CRADD: variants seen among roughly 807,000 people sequenced by gnomAD.
CRADD encodes the protein CARD and death domain containing adaptor protein.
Under a neutral mutation model 15.5 loss-of-function variants are expected in CRADD, and 9 were observed. That is an observed-to-expected ratio of 0.58 (90% CI 0.35 to 1.01). The LOEUF is 1.01. Among genes scored for constraint, CRADD ranks in the 50% least tolerant of loss-of-function variants. CRADD has a pLI of 0.02. For missense variants in CRADD, 227 were observed against 250.3 expected (o/e 0.91, Z 0.63); for synonymous variants, 118 against 107.6 (o/e 1.10, Z -0.60).
chr12:93,719,943 T>C (rs1051572035), intron 2 of CRADD, among the ~76,000 whole-genome samples: 4 of 152,104 alleles, frequency 2.6e-5, no homozygotes, highest in Non-Finnish European at 5.9e-5. Flanking sequence ...TAATTTCTGC[T>C]CTAATTTTTA....
intron 2 of CRADD, among the ~76,000 whole-genome samples, chr12:93,846,071 G>A (rs760222296): frequency 3.3e-5 from 5 of 151,954 alleles, no homozygotes; most frequent in Non-Finnish European, 5.9e-5. Context: ...TTTACTTAGT[G>A]TAATGTCCTC....
intron 2 of CRADD, among the ~76,000 whole-genome samples, chr12:93,760,033 C>T (rs1026456456): frequency 5.9e-5 from 9 of 152,266 alleles, no homozygotes; most frequent in Non-Finnish European, 8.8e-5. Context: ...TTAACCCAGC[C>T]CGCAGAGACA....
At chr12:93,819,384 G>A (rs1280149745) in intron 2 of CRADD, among the ~76,000 whole-genome samples, 1 of 152,206 alleles carries the variant, frequency 6.6e-6, no homozygotes, top group Non-Finnish European at 1.5e-5. Flanking sequence ...GGAAGAGTGA[G>A]AACTAAAAGT....
chr12:93,816,771 A>G (rs1957704452), intron 2 of CRADD, among the ~76,000 whole-genome samples: 1 of 152,192 alleles, frequency 6.6e-6, no homozygotes, highest in African/African-American at 2.4e-5. Context: ...CTGTAGAATG[A>G]CAATGGATGG....
At chr12:93,839,747 T>C (rs1242376277) in intron 2 of CRADD, among the ~76,000 whole-genome samples, 1 of 152,240 alleles carries the variant, frequency 6.6e-6, no homozygotes, top group African/African-American at 2.4e-5. Context: ...CATACCTTTG[T>C]TCTGTTTCCT....
intron 2 of CRADD, chr12:93,733,595 C>T (rs1484907049): frequency 2.0e-5 from 3 of 152,440 alleles, no homozygotes; most frequent in Admixed American, 1.3e-4. Flanking sequence ...GAAGGCCTGG[C>T]TGCTTGGCAA....
At chr12:93,858,600 G>A (rs1032217929) in intron 2 of CRADD, among the ~76,000 whole-genome samples, 1 of 152,162 alleles carries the variant, frequency 6.6e-6, no homozygotes, top group Admixed American at 6.5e-5. Flanking sequence ...GTCTCTCTCT[G>A]ACCTTCTGCT....
intron 2 of CRADD, chr12:93,837,693 G>A (rs959921474): frequency 6.6e-6 from 1 of 152,160 alleles, no homozygotes; most frequent in African/African-American, 2.4e-5. Context: ...TTGATTTAAT[G>A]AGAAGTCAAA....
chr12:93,719,739 A>G lies in CRADD; in HGVS notation c.298+40667A>G, dbSNP rs530028100. On this transcript the variant is annotated intron_variant, in intron 2 of 2. Transcript: ENST00000332896. ...CAAATTTGTGGGCATAAAGTTGTTT[A>G]TAAAACTTCTTTATCCTTTTAATGT... Among the ~76,000 whole-genome samples the G allele has an allele frequency of 7.2e-5, 11 of 152,226 alleles. No homozygotes were observed. The South Asian group carries it at 2.1e-3, about 29-fold the overall frequency.
At chr12:93,691,339 C>T (rs144021765) in intron 2 of CRADD, among the ~76,000 whole-genome samples, 4,064 of 151,806 alleles carry the variant, frequency 0.027, 63 homozygotes, top group Non-Finnish European at 0.041. Flanking sequence ...CTGCAACCTC[C>T]GCCTCCCGGG....
chr12:93,701,677 T>A (rs1955846772), intron 2 of CRADD, among the ~76,000 whole-genome samples: 1 of 152,220 alleles, frequency 6.6e-6, no homozygotes, highest in Non-Finnish European at 1.5e-5. Context: ...CCTGAGAATA[T>A]GATTCAGTTA....
intron 2 of CRADD, among the ~76,000 whole-genome samples, chr12:93,750,374 C>T (rs1481595846): frequency 6.6e-6 from 1 of 152,142 alleles, no homozygotes; most frequent in Non-Finnish European, 1.5e-5. Flanking sequence ...TAAGGCTCAT[C>T]TGATTCTGTA....
chr12:93,854,805 A>G (rs1012066243), downstream of CRADD, among the ~76,000 whole-genome samples: 3 of 152,244 alleles, frequency 2.0e-5, no homozygotes, highest in Non-Finnish European at 4.4e-5. Context: ...GATGCTTAGC[A>G]TAATCTCCTA....
intron 2 of CRADD, among the ~76,000 whole-genome samples, chr12:93,690,350 C>T (rs1955537555): frequency 6.6e-6 from 1 of 152,226 alleles, no homozygotes; most frequent in Non-Finnish European, 1.5e-5. Context: ...GCCTGGAAAA[C>T]AAATGATAGC....
chr12:93,684,116 A>T (rs1378977990), intron 2 of CRADD, among the ~76,000 whole-genome samples: 1 of 152,222 alleles, frequency 6.6e-6, no homozygotes, highest in Non-Finnish European at 1.5e-5. Context: ...TACTGGGTAT[A>T]TAAAGACAAA....
At chr12:93,865,866 G>A (rs1185433986) in intron 2 of CRADD, among the ~76,000 whole-genome samples, 1 of 152,026 alleles carries the variant, frequency 6.6e-6, no homozygotes, top group Non-Finnish European at 1.5e-5. Context: ...GTTGAATCTG[G>A]GCATGTGGAA....
At chr12:93,689,841 A>G (rs1350152294) in intron 2 of CRADD, among the ~76,000 whole-genome samples, 3 of 152,220 alleles carry the variant, frequency 2.0e-5, no homozygotes, top group Non-Finnish European at 4.4e-5. Flanking sequence ...AGAATTATAG[A>G]TCAAGTAGAG....
intron 2 of CRADD, among the ~76,000 whole-genome samples, chr12:93,753,058 A>G (rs1357366950): frequency 6.6e-6 from 1 of 151,900 alleles, no homozygotes; most frequent in Non-Finnish European, 1.5e-5. Context: ...TCTTCCCACG[A>G]CATGTGGGAA....
chr12:93,696,210 G>T (rs890125754), intron 2 of CRADD, among the ~76,000 whole-genome samples: 1 of 152,104 alleles, frequency 6.6e-6, no homozygotes, highest in African/African-American at 2.4e-5. Context: ...ATAGAACTCT[G>T]TGTCTTAGCA....
Sources: allele counts gnomAD v4.1 joint callset (sites outside exome capture counted in the v4.1 genomes callset), GRCh38; gene constraint gnomAD v4.1.1; transcripts MANE v1.5; gene names NCBI Gene and HGNC (gene_info 2026-07-23, HGNC 2026-07-21).